Variants in ADAMTS16 observed in about 807,000 individuals in gnomAD.
ADAMTS16 encodes ADAM metallopeptidase with thrombospondin type 1 motif 16.
A neutral mutation model predicts 145.8 loss-of-function variants in ADAMTS16; 94 were observed. That is an observed-to-expected ratio of 0.64 (90% confidence interval 0.55 to 0.77). The LOEUF (loss-of-function observed/expected upper bound fraction) is 0.77. Among genes scored for constraint, ADAMTS16 ranks in the 30% least tolerant of loss-of-function variants. ADAMTS16 has a pLI of 0.00. For synonymous variants in ADAMTS16, 659 were observed against 604.3 expected, an observed-to-expected ratio of 1.09 and a Z score of -1.33; for missense variants, 1,585 against 1,591.5, an observed-to-expected ratio of 1.00 and a Z score of 0.07.
At chr5:5,150,299 A>G (rs1235693986) in intron 3 of ADAMTS16, among the ~76,000 whole-genome samples, 1 of 152,130 alleles carries the variant, frequency 6.6e-6, no homozygotes, top group African/African-American at 2.4e-5. Context: ...AAGTGGGTTC[A>G]CTGTGCAGAG....
chr5:5,220,624 G>A (rs945809518), intron 10 of ADAMTS16, among the ~76,000 whole-genome samples: 1 of 152,132 alleles, frequency 6.6e-6, no homozygotes, highest in Non-Finnish European at 1.5e-5. Flanking sequence ...CCTTAAGCGA[G>A]AAAGGAAAGG....
chr5:5,163,916 CAG>C (rs1296765770), intron 3 of ADAMTS16, among the ~76,000 whole-genome samples: 1 of 152,226 alleles, frequency 6.6e-6, no homozygotes, highest in African/African-American at 2.4e-5. Context: ...ACACAACAAA[CAG>C]AGCACAGGGT....
chr5:5,221,248 ATACATTTT>A (rs1372286080), intron 10 of ADAMTS16, among the ~76,000 whole-genome samples: 1 of 152,098 alleles, frequency 6.6e-6, no homozygotes, highest in Non-Finnish European at 1.5e-5. Flanking sequence ...TGGGTTCTGC[ATACATTTT>A]TTTTAATCTC....
rs766063759 is a variant in ADAMTS16 at position 5,146,285 on chromosome 5, G to C, written c.331G>C (p.Asp111His). The C allele has an allele frequency of 1.2e-6, 2 of 1,614,176 alleles. No individual in the cohort carries two copies. Among genetic ancestry groups the C allele is most frequent in the Non-Finnish European group, 1.7e-6 (2 of 1,180,032 alleles). ...AGGCTCCAGGCACGACTTCCACATG[G>C]ATCTGAGGACTTCCAGCAGCCTAGT... ...LKGSRHDFHM[D>H]LRTSSSLVAP... The change falls in exon 3 of 23, where the codon GAT becomes CAT. Residue 111 changes from aspartate to histidine, a missense_variant. Physicochemically the swap from Asp to His is moderately conservative, Grantham distance 81 (BLOSUM62 -1). This residue lies in a region of ADAMTS16 where 453 missense variants were observed against 412.1 expected (regional missense o/e 1.10). Transcript: ENST00000274181.
intron 9 of ADAMTS16, among the ~76,000 whole-genome samples, chr5:5,205,074 T>A (rs1466274047): frequency 6.7e-6 from 1 of 149,558 alleles, no homozygotes; most frequent in African/African-American, 2.5e-5. Flanking sequence ...CTTTTGTGCA[T>A]GTAAAAAAAA....
chr5:5,155,523 C>T (rs746343194), intron 3 of ADAMTS16, among the ~76,000 whole-genome samples: 6 of 152,154 alleles, frequency 3.9e-5, no homozygotes, highest in Non-Finnish European at 5.9e-5. Context: ...GAATATACTG[C>T]CCCTGGGGCT....
intron 16 of ADAMTS16, among the ~76,000 whole-genome samples, 186 bp from the exon 17 acceptor site, chr5:5,241,867 G>A (rs1032106242): frequency 7.6e-4 from 116 of 152,214 alleles, no homozygotes; most frequent in Middle Eastern, 3.4e-3. Context: ...TTTTAGATGA[G>A]CTTGAATCTA....
chr5:5,275,767 A>G (rs980476049), intron 18 of ADAMTS16, among the ~76,000 whole-genome samples: 2 of 151,990 alleles, frequency 1.3e-5, no homozygotes, highest in African/African-American at 4.8e-5. Flanking sequence ...TACATTTCTT[A>G]ATTATTTTTA....
rs1326548897 is a variant in ADAMTS16 at position 5,312,950 on chromosome 5, G to A, written c.3412-5184G>A. On this transcript the variant is annotated intron_variant, in intron 21 of 22. Transcript: ENST00000274181. ...CCTAACCTCTGGCTGCCAAGCCCAC[G>A]TTCACCACCCTCCTGCTTACTGCAG... is the stretch of plus-strand genomic sequence containing the variant. 2.6e-5 allele frequency among the ~76,000 whole-genome samples: 4 copies of A among 152,168 alleles called. No homozygotes were observed. In the East Asian group the frequency reaches 7.7e-4, roughly 29 times the overall value.
chr5:5,147,486 T>G (rs1272625284), intron 3 of ADAMTS16, among the ~76,000 whole-genome samples: 1 of 152,212 alleles, frequency 6.6e-6, no homozygotes, highest in South Asian at 2.1e-4. Flanking sequence ...AAATACTAAA[T>G]ATATGCAAAT....
chr5:5,161,652 C>CACCTTCCATTCACAGG (rs1560928831), intron 3 of ADAMTS16, among the ~76,000 whole-genome samples: 1 of 152,184 alleles, frequency 6.6e-6, no homozygotes, highest in African/African-American at 2.4e-5. Context: ...TGTCTTAATT[C>CACCTTCCATTCACAGG]ACCTTCCATT....
chr5:5,179,258 C>A (rs1241995623), intron 3 of ADAMTS16, among the ~76,000 whole-genome samples: 3 of 151,498 alleles, frequency 2.0e-5, no homozygotes, highest in Non-Finnish European at 4.4e-5. Flanking sequence ...CCCGGCCTTT[C>A]CCTTCTATCA....
At chr5:5,144,125 C>CAA (rs70965926) in intron 2 of ADAMTS16, among the ~76,000 whole-genome samples, 13,357 of 150,396 alleles carry the variant, frequency 0.089, 884 homozygotes, top group African/African-American at 0.19. Flanking sequence ...TAAATTATAA[C>CAA]AAAAAAAAAA....
chr5:5,229,159 G>T (rs987989446), intron 11 of ADAMTS16, among the ~76,000 whole-genome samples: 3 of 151,546 alleles, frequency 2.0e-5, no homozygotes, highest in African/African-American at 7.3e-5. Context: ...TTAGCCGGGC[G>T]CGGTGGCGGG....
In ADAMTS16 at chr5:5,212,209, G is replaced by GT. The variant is rs776332531; in HGVS notation, c.1605+2967dup. ...TCTGGGGTTTTTTTTGTTTTGTTTTGTTTTGTTTTTTTTTTTGAGATGGAG... is the reference window on the plus strand; with the variant it reads ...TCTGGGGTTTTTTTTGTTTTGTTTTGTTTTTGTTTTTTTTTTTGAGATGGAG... On this transcript the variant is annotated intron_variant, in intron 10 of 22. Transcript: ENST00000274181. Among the ~76,000 whole-genome samples the GT allele has an allele frequency of 2.2e-3, 195 of 89,496 alleles. 7 individuals carry two copies. Among genetic ancestry groups the GT allele is most frequent in the South Asian group, 0.012 (26 of 2,148 alleles). 58.7% of individuals were successfully genotyped at this position (89,496 alleles called of 152,430 possible). A position where few individuals can be genotyped will look rare whatever the true frequency, so the allele number is the denominator to read the frequency against.
At chr5:5,150,770 T>C (rs1734430853) in intron 3 of ADAMTS16, among the ~76,000 whole-genome samples, 1 of 152,232 alleles carries the variant, frequency 6.6e-6, no homozygotes, top group South Asian at 2.1e-4. Flanking sequence ...CGTAGAATTG[T>C]TCTGCATAGG....
intron 18 of ADAMTS16, among the ~76,000 whole-genome samples, chr5:5,284,148 G>C (rs1461574223): frequency 6.6e-6 from 1 of 151,824 alleles, no homozygotes; most frequent in Non-Finnish European, 1.5e-5. Flanking sequence ...TACTATAGTT[G>C]CCTCTACAAT....
chr5:5,189,960 CT>C lies in ADAMTS16; in HGVS notation c.1048-10del. The C allele has an allele frequency of 6.2e-7, 1 of 1,610,056 alleles. No individual in the cohort carries two copies. Among genetic ancestry groups the C allele is most frequent in the Non-Finnish European group, 8.5e-7 (1 of 1,178,608 alleles). ...TTATCATGGGGTCCTCGGTCCTTGTCTCTTGCACAGCCAGGACTGGTGATAA... is the reference window on the plus strand; with the variant it reads ...TTATCATGGGGTCCTCGGTCCTTGTCCTTGCACAGCCAGGACTGGTGATAA... On this transcript the variant is annotated splice_polypyrimidine_tract_variant and intron_variant, in intron 6 of 22. Coordinates refer to ENST00000274181, the MANE Select transcript of ADAMTS16 (RefSeq NM_139056.4).
At chr5:5,226,203 G>C (rs1323746767) in intron 11 of ADAMTS16, among the ~76,000 whole-genome samples, 2 of 152,164 alleles carry the variant, frequency 1.3e-5, no homozygotes, top group Non-Finnish European at 2.9e-5. Context: ...TGCTGACAAA[G>C]ATATACCTGA....
Sources: allele counts gnomAD v4.1 joint callset (sites outside exome capture counted in the v4.1 genomes callset), GRCh38; gene constraint gnomAD v4.1.1; regional missense constraint gnomAD v4.1.1; transcripts MANE v1.5; gene names NCBI Gene and HGNC (gene_info 2026-07-23, HGNC 2026-07-21).